VPS8: variants seen among roughly 807,000 people sequenced by gnomAD.
The protein encoded by VPS8 is VPS8 subunit of CORVET complex.
In VPS8, 129 loss-of-function variants were observed where a neutral mutation model predicts 216.4. The ratio of observed to expected loss-of-function variants is 0.60; its 90% CI spans 0.52 to 0.69. The LOEUF (loss-of-function observed/expected upper bound fraction) is 0.69. Among genes scored for constraint, VPS8 ranks in the 30% least tolerant of loss-of-function variants. The pLI, the probability that VPS8 is intolerant of heterozygous loss-of-function variation, is 0.00. For synonymous variants in VPS8, 571 were observed against 565.4 expected (o/e 1.01, Z -0.14); for missense variants, 1,531 against 1,683.5 (o/e 0.91, Z 1.59).
intron 7 of VPS8, among the ~76,000 whole-genome samples, chr3:184,840,765 C>G (rs897122926): frequency 6.6e-6 from 1 of 151,780 alleles, no homozygotes; most frequent in Non-Finnish European, 1.5e-5. Context: ...TGGGGGGGGT[C>G]ATTTTTAGTG....
At chr3:184,910,712 C>T (rs1271214066) in intron 25 of VPS8, among the ~76,000 whole-genome samples, 2 of 152,080 alleles carry the variant, frequency 1.3e-5, no homozygotes, top group Admixed American at 1.3e-4. Flanking sequence ...TTCTGATCGC[C>T]GCCGTGCCAG....
chr3:184,812,675 A>G (rs1715392908), intron 1 of VPS8: 1 of 152,092 alleles, frequency 6.6e-6, no homozygotes, highest in African/African-American at 2.4e-5. Context: ...TGCAAGCCTC[A>G]TTCTGTCCTG....
At position 184,915,412 on chromosome 3, in the gene VPS8, T is replaced by G; in HGVS notation, c.2320T>G (p.Tyr774Asp). 1 of 1,613,960 alleles carries G rather than the reference T, an allele frequency of 6.2e-7. No homozygotes were observed. Among genetic ancestry groups the G allele is most frequent in the Non-Finnish European group, 8.5e-7 (1 of 1,179,844 alleles). ...AGAGGCTTCTCCTGAGGAAGAAATC[T>G]ATCCTTACATTCGGACTTTGCTACA... ...SAEASPEEEI[Y>D]PYIRTLLHFD... Residue 774 changes from tyrosine (Y) to aspartate (D), a missense_variant, in exon 28 of 48, where the codon TAT becomes GAT. This residue lies in a region of VPS8 where 1,318 missense variants were observed against 1,468.4 expected (regional missense o/e 0.90). Coordinates refer to ENST00000625842, the MANE Select transcript of VPS8 (RefSeq NM_001009921.3).
intron 46 of VPS8, among the ~76,000 whole-genome samples, chr3:185,031,077 T>TTTTTTG (rs1561199698): frequency 2.0e-5 from 3 of 148,012 alleles, no homozygotes; most frequent in African/African-American, 7.5e-5. Context: ...TTTTTTTTTT[T>TTTTTTG]TTTTTTTTTT....
Position 184,869,513 on chromosome 3 carries a change from T to A in VPS8, c.1629T>A (p.Ala543=). The part of the protein sequence containing the change: ...GLSGDASKRK[A]IVADRMVEIL... ...CAGGGGATGCCAGTAAGCGAAAGGC[T>A]ATTGTTGCAGACCGGGTGAGTATTT... The change falls in exon 20 of 48, where the codon GCT becomes GCA. Residue 543 remains alanine (A), a synonymous_variant. Transcript: ENST00000625842. 6.2e-7 allele frequency: 1 copy of A among 1,613,494 alleles called. No homozygotes were observed. Among genetic ancestry groups the A allele is most frequent in the Non-Finnish European group, 8.5e-7 (1 of 1,179,558 alleles).
At chr3:184,856,596 C>G (rs1339334673) in intron 14 of VPS8, among the ~76,000 whole-genome samples, 1 of 152,186 alleles carries the variant, frequency 6.6e-6, no homozygotes, top group East Asian at 1.9e-4. Flanking sequence ...CATATGTGCT[C>G]TATCACCAAG....
At chr3:184,997,639 G>T (rs1386843450) in intron 44 of VPS8, among the ~76,000 whole-genome samples, 1 of 152,156 alleles carries the variant, frequency 6.6e-6, no homozygotes, top group Non-Finnish European at 1.5e-5. Context: ...TAGTGGCAGG[G>T]ATAGACCATA....
chr3:185,046,093 C>G (rs948917173), intron 46 of VPS8, among the ~76,000 whole-genome samples: 3 of 152,238 alleles, frequency 2.0e-5, no homozygotes, highest in Non-Finnish European at 2.9e-5. Flanking sequence ...GAAATTTGCT[C>G]TAACAGACAG....
intron 29 of VPS8, among the ~76,000 whole-genome samples, chr3:184,922,975 G>C (rs976325347): frequency 2.7e-5 from 4 of 150,720 alleles, no homozygotes; most frequent in African/African-American, 5.0e-5. Context: ...ATATATATAT[G>C]AGATAGAGTT....
At chr3:184,828,374 A>G (rs975710504) in intron 3 of VPS8, among the ~76,000 whole-genome samples, 4 of 152,132 alleles carry the variant, frequency 2.6e-5, no homozygotes, top group Non-Finnish European at 5.9e-5. Context: ...CCTGACCTCA[A>G]GTGATCTGCG....
chr3:184,854,245 G>A (rs943364270), intron 13 of VPS8, 72 bp downstream of exon 13: 2 of 1,519,428 alleles, frequency 1.3e-6, no homozygotes, highest in East Asian at 4.5e-5. Context: ...TGGCTTGCAA[G>A]GGGTGAATTC....
chr3:184,833,729 A>T (rs1305625369), intron 4 of VPS8, among the ~76,000 whole-genome samples: 5 of 152,114 alleles, frequency 3.3e-5, no homozygotes, highest in Non-Finnish European at 1.5e-5. Context: ...GTACACCTTT[A>T]CATCTTCATA....
intron 5 of VPS8, among the ~76,000 whole-genome samples, chr3:184,837,810 A>G (rs1298187796): frequency 6.6e-6 from 1 of 152,216 alleles, no homozygotes; most frequent in Non-Finnish European, 1.5e-5. Flanking sequence ...TCTGAGTTTG[A>G]GATGTAGTTC....
chr3:184,937,179 T>G (rs1741795776), intron 35 of VPS8, among the ~76,000 whole-genome samples: 1 of 152,224 alleles, frequency 6.6e-6, no homozygotes, highest in Admixed American at 6.5e-5. Context: ...TTAGAAGTAC[T>G]ATTGAATGGA....
chr3:184,869,205 T>C (rs759453151), intron 19 of VPS8, among the ~76,000 whole-genome samples, 169 bp downstream of exon 19: 5 of 152,184 alleles, frequency 3.3e-5, no homozygotes. Context: ...TGACAAATAA[T>C]GTGACAAATA....
At chr3:184,925,256 C>CT (rs1739374997) in intron 30 of VPS8, among the ~76,000 whole-genome samples, 3 of 152,206 alleles carry the variant, frequency 2.0e-5, no homozygotes, top group South Asian at 4.1e-4. Flanking sequence ...ATTTAAGAAT[C>CT]TCCCCCATCT....
chr3:184,919,673 C>T (rs949155128), intron 28 of VPS8, among the ~76,000 whole-genome samples: 4 of 152,082 alleles, frequency 2.6e-5, no homozygotes, highest in African/African-American at 9.7e-5. Context: ...TATCTTTGGA[C>T]ATCATTTTTC....
intron 42 of VPS8, among the ~76,000 whole-genome samples, chr3:184,986,864 C>T (rs1751167833): frequency 6.6e-6 from 1 of 152,174 alleles, no homozygotes; most frequent in African/African-American, 2.4e-5. Context: ...TCAGTTTTGC[C>T]TACGGTTAAC....
At chr3:184,883,062 T>G (rs1730553393) in intron 21 of VPS8, among the ~76,000 whole-genome samples, 1 of 152,182 alleles carries the variant, frequency 6.6e-6, no homozygotes, top group Non-Finnish European at 1.5e-5. Flanking sequence ...CATTCTCAAT[T>G]CTGTATTAAA....
Sources: allele counts gnomAD v4.1 joint callset (sites outside exome capture counted in the v4.1 genomes callset), GRCh38; gene constraint gnomAD v4.1.1; regional missense constraint gnomAD v4.1.1; transcripts MANE v1.5; gene names NCBI Gene and HGNC (gene_info 2026-07-23, HGNC 2026-07-21).